The following TENM2 variants were observed in gnomAD, a reference collection of about 807,000 sequenced individuals.
The protein encoded by TENM2 is teneurin transmembrane protein 2.
TENM2 carries 52 observed loss-of-function variants against 245.2 expected under a neutral mutation model. The ratio of observed to expected loss-of-function variants is 0.21; its 90% CI spans 0.17 to 0.27. The LOEUF is 0.27. TENM2 is among the 10% of genes least tolerant of loss of function. The pLI, the probability that TENM2 is intolerant of heterozygous loss-of-function variation, is 1.00. For missense variants in TENM2, 3,046 were observed against 3,666.8 expected, an observed-to-expected ratio of 0.83 and a Z score of 4.37; for synonymous variants, 1,363 against 1,438.9, an observed-to-expected ratio of 0.95 and a Z score of 1.19.
At chr5:167,687,468 T>G (rs978324311) in intron 2 of TENM2, among the ~76,000 whole-genome samples, 2 of 152,188 alleles carry the variant, frequency 1.3e-5, no homozygotes, top group African/African-American at 4.8e-5. Context: ...AACTTAGTTA[T>G]CTGGGAAAAA....
chr5:167,372,461 C>G (rs1760495899), intron 1 of TENM2, among the ~76,000 whole-genome samples: 1 of 152,172 alleles, frequency 6.6e-6, no homozygotes, highest in African/African-American at 2.4e-5. Context: ...GAACCCAGGC[C>G]AAAAACCACA....
chr5:167,466,153 G>T (rs2127500480), intron 2 of TENM2, among the ~76,000 whole-genome samples: 1 of 152,258 alleles, frequency 6.6e-6, no homozygotes, highest in Middle Eastern at 3.4e-3. Flanking sequence ...CTACGAATAT[G>T]GTTTCCCTTA....
intron 2 of TENM2, among the ~76,000 whole-genome samples, chr5:167,846,430 G>A (rs1174614808): frequency 1.3e-5 from 2 of 152,152 alleles, no homozygotes; most frequent in African/African-American, 2.4e-5. Flanking sequence ...GAATTATCCT[G>A]AATCAGAAAA....
intron 2 of TENM2, among the ~76,000 whole-genome samples, chr5:167,708,685 G>C (rs1582810184): frequency 6.6e-6 from 1 of 152,048 alleles, no homozygotes; most frequent in Non-Finnish European, 1.5e-5. Context: ...TGGATTTGAG[G>C]CCTCCCCGCC....
the TENM2 span, among the ~76,000 whole-genome samples, chr5:167,000,664 A>G: frequency 2.0e-5 from 3 of 152,308 alleles, no homozygotes; most frequent in African/African-American, 7.2e-5. Context: ...TGGAGAAAAT[A>G]GATTGGAAAA....
At chr5:167,991,497 G>A (rs1159615653) in intron 4 of TENM2, among the ~76,000 whole-genome samples, 1 of 152,180 alleles carries the variant, frequency 6.6e-6, no homozygotes, top group Non-Finnish European at 1.5e-5. Context: ...GGTCTAGCAA[G>A]TCACATTTGA....
chr5:167,850,949 C>T (rs1394638110), intron 2 of TENM2, among the ~76,000 whole-genome samples: 6 of 152,166 alleles, frequency 3.9e-5, no homozygotes, highest in Non-Finnish European at 7.3e-5. Context: ...TGTTCATTCA[C>T]GAAGCTGTAA....
chr5:168,056,138 G>T (rs927525530), intron 6 of TENM2, among the ~76,000 whole-genome samples: 7 of 152,200 alleles, frequency 4.6e-5, no homozygotes, highest in African/African-American at 1.7e-4. Flanking sequence ...AACTCAGCCT[G>T]GCTTTGATGC....
rs1183482385 is a variant in TENM2, at chr5:167,784,801, C to T, written c.503-91185C>T. On this transcript the variant is annotated intron_variant, in intron 2 of 28. Transcript: ENST00000518659. ...GGAAAGATATATCAAAATGTGTACC[C>T]GTATCTCATCAGAACCTCACACAGA... 3.9e-5 allele frequency among the ~76,000 whole-genome samples: 6 copies of T among 152,134 alleles called. 1 individual carries two copies. The highest frequency in any genetic ancestry group is 7.4e-5 in the Non-Finnish European group (5 of 68,002).
At chr5:168,263,633 G>A (rs1768406197), downstream of TENM2, 1 of 152,588 alleles carries the variant, frequency 6.6e-6, no homozygotes, top group Non-Finnish European at 1.5e-5. Flanking sequence ...CAAAATGGTG[G>A]CTATAATCAC....
intron 2 of TENM2, among the ~76,000 whole-genome samples, chr5:167,669,636 C>T (rs775932327): frequency 3.3e-5 from 5 of 151,990 alleles, no homozygotes; most frequent in Non-Finnish European, 7.4e-5. Context: ...AGTGACACAT[C>T]ACACCTGCTG....
intron 2 of TENM2, among the ~76,000 whole-genome samples, chr5:167,534,574 G>C (rs182854751): frequency 2.6e-5 from 4 of 152,234 alleles, no homozygotes; most frequent in Non-Finnish European, 1.5e-5. Context: ...ATTTTATCTG[G>C]CAACTCGATG....
the TENM2 span, among the ~76,000 whole-genome samples, chr5:167,154,826 A>G: frequency 3.9e-5 from 6 of 152,226 alleles, no homozygotes; most frequent in Non-Finnish European, 8.8e-5. Context: ...CCCTTAGGGA[A>G]AAGTGAAGTA....
At position 168,082,051 on chromosome 5, in the gene TENM2, G is replaced by C. The variant is rs185274931; in HGVS notation, c.1516-8523G>C. Among the ~76,000 whole-genome samples, 572 of 152,286 alleles carry C rather than the reference G, an allele frequency of 3.8e-3. 4 individuals carry two copies. Among genetic ancestry groups the C allele is most frequent in the Non-Finnish European group, 6.6e-3 (447 of 68,014 alleles). ...TTTCCAACTTGGTTCCATTCTGCCTGTCACTTTCAGGCACACCAATCAGAC... is the reference window on the plus strand; with the variant it reads ...TTTCCAACTTGGTTCCATTCTGCCTCTCACTTTCAGGCACACCAATCAGAC... On this transcript the variant is annotated intron_variant, in intron 7 of 28. Coordinates refer to ENST00000518659, the Ensembl canonical transcript of TENM2.
chr5:167,939,723 A>G (rs1033687277), intron 3 of TENM2, among the ~76,000 whole-genome samples: 1 of 152,180 alleles, frequency 6.6e-6, no homozygotes, highest in Non-Finnish European at 1.5e-5. Flanking sequence ...AATTCCATAC[A>G]TCTTACTTTT....
At chr5:167,418,313 CAAAAA>C (rs57972287) in intron 2 of TENM2, among the ~76,000 whole-genome samples, 1 of 135,454 alleles carries the variant, frequency 7.4e-6, no homozygotes, top group Non-Finnish European at 1.6e-5. Flanking sequence ...GAAACTGTCT[CAAAAA>C]AAAAAAAAAA....
chr5:167,017,641 A>T, the TENM2 span, among the ~76,000 whole-genome samples: 1 of 152,190 alleles, frequency 6.6e-6, no homozygotes, highest in Admixed American at 6.5e-5. Context: ...CCAACCAGAA[A>T]CTTTTATTCT....
At chr5:167,239,705 A>G in the TENM2 span, among the ~76,000 whole-genome samples, 1 of 152,244 alleles carries the variant, frequency 6.6e-6, no homozygotes, top group Non-Finnish European at 1.5e-5. Flanking sequence ...ATAAATGAAG[A>G]AACAGTTGAG....
intron 2 of TENM2, among the ~76,000 whole-genome samples, chr5:167,675,730 T>A (rs1202877157): frequency 6.6e-6 from 1 of 152,078 alleles, no homozygotes; most frequent in Non-Finnish European, 1.5e-5. Flanking sequence ...AAAATAATAG[T>A]ACCTAGCTCA....
Sources: gnomAD v4.1 joint callset for allele counts (sites outside exome capture counted in the v4.1 genomes callset) on GRCh38, gnomAD v4.1.1 for gene constraint, MANE v1.5 for transcripts, NCBI Gene and HGNC (gene_info 2026-07-23, HGNC 2026-07-21) for gene names.